Variants in PKHD1 observed in about 807,000 individuals in gnomAD.
PKHD1 encodes the protein fibrocystin.
In PKHD1, 291 loss-of-function variants were observed where a neutral mutation model predicts 412.0. The observed-to-expected ratio is 0.71, with a 90% CI of 0.64 to 0.78. PKHD1 has a LOEUF of 0.78. Among genes scored for constraint, PKHD1 ranks in the 30% least tolerant of loss-of-function variants. The pLI is 0.00. For missense variants in PKHD1, 4,825 were observed against 4,950.7 expected, an observed-to-expected ratio of 0.97 and a Z score of 0.76; for synonymous variants, 1,777 against 1,821.5, an observed-to-expected ratio of 0.98 and a Z score of 0.62.
Position 51,659,532 on chromosome 6 carries a change from C to G in PKHD1, c.10594G>C (p.Gly3532Arg). The G allele has an allele frequency of 6.2e-7, 1 of 1,613,602 alleles. No homozygotes were observed. Among genetic ancestry groups the G allele is most frequent in the South Asian group, 1.1e-5 (1 of 91,074 alleles). ...SASLLLNESIGANYFNIMDNL... is the reference protein window; with the variant it reads ...SASLLLNESIRANYFNIMDNL... ...TCCATGATGTTGAAATAGTTGGCAC[C>G]AATAGATTCATTCAGCAATAAGGAA... Residue 3532 changes from glycine to arginine, a missense_variant, in exon 61 of 67, where the codon GGT becomes CGT. By Grantham distance (125) the Gly-to-Arg change is moderately radical (BLOSUM62 -2). Transcript: ENST00000371117.
chr6:51,809,246 G>C (rs1764312862), intron 52 of PKHD1, among the ~76,000 whole-genome samples: 1 of 151,964 alleles, frequency 6.6e-6, no homozygotes, highest in South Asian at 2.1e-4. Context: ...GGCATGACTT[G>C]GGAACACAAC....
chr6:51,816,972 A>T (rs937054766), intron 52 of PKHD1, among the ~76,000 whole-genome samples: 1 of 152,224 alleles, frequency 6.6e-6, no homozygotes, highest in Non-Finnish European at 1.5e-5. Flanking sequence ...TTATGAACCA[A>T]GCTCTTGACC....
intron 60 of PKHD1, chr6:51,739,994 G>C (rs773854703): frequency 2.7e-5 from 14 of 518,798 alleles, no homozygotes; most frequent in South Asian, 2.0e-4. Context: ...ACCTGAATGG[G>C]ACATTAATTT....
intron 23 of PKHD1, among the ~76,000 whole-genome samples, chr6:52,046,410 C>T (rs1805849709): frequency 6.6e-6 from 1 of 152,162 alleles, no homozygotes; most frequent in Admixed American, 6.6e-5. Flanking sequence ...CACTATCTTT[C>T]ACTCATACCA....
chr6:51,633,828 T>C (rs1768218252), intron 64 of PKHD1, among the ~76,000 whole-genome samples: 1 of 152,210 alleles, frequency 6.6e-6, no homozygotes, highest in South Asian at 2.1e-4. Context: ...CATGGATCTA[T>C]ACATGTATTT....
At chr6:51,632,774 T>C (rs1387379510) in intron 64 of PKHD1, 51 bp from the exon 65 acceptor site, 3 of 1,451,576 alleles carry the variant, frequency 2.1e-6, no homozygotes, top group African/African-American at 1.4e-5. Context: ...AAGATGCTAA[T>C]ATAATTAAAA....
intron 13 of PKHD1, among the ~76,000 whole-genome samples, chr6:52,064,555 C>T (rs1224515045): frequency 5.9e-5 from 9 of 152,124 alleles, no homozygotes; most frequent in Non-Finnish European, 1.3e-4. Context: ...TTGTCTAATG[C>T]TGTTGTTTTG....
chr6:51,679,029 AAATG>A (rs532747927), intron 60 of PKHD1, among the ~76,000 whole-genome samples: 1 of 152,060 alleles, frequency 6.6e-6, no homozygotes, highest in Non-Finnish European at 1.5e-5. Context: ...GCCAAAACTA[AAATG>A]AATGTGACTG....
At chr6:51,798,708 A>C (rs1794967595) in intron 52 of PKHD1, among the ~76,000 whole-genome samples, 1 of 152,160 alleles carries the variant, frequency 6.6e-6, no homozygotes. Flanking sequence ...ACGATATCCT[A>C]AAATATGTTT....
At chr6:51,932,608 T>C (rs1186255142) in intron 37 of PKHD1, among the ~76,000 whole-genome samples, 1 of 152,196 alleles carries the variant, frequency 6.6e-6, no homozygotes, top group African/African-American at 2.4e-5. Flanking sequence ...ATGGCTGACG[T>C]GGGAATAGAT....
intron 35 of PKHD1, among the ~76,000 whole-genome samples, chr6:51,984,693 GC>G (rs1170010170): frequency 2.6e-5 from 4 of 152,196 alleles, no homozygotes; most frequent in Non-Finnish European, 5.9e-5. Flanking sequence ...AGTATCCTTT[GC>G]CTGAGGCATT....
At chr6:52,067,540 G>A (rs1287565033) in intron 11 of PKHD1, among the ~76,000 whole-genome samples, 1 of 152,206 alleles carries the variant, frequency 6.6e-6, no homozygotes, top group Non-Finnish European at 1.5e-5. Context: ...AATACCTTGG[G>A]TCGGAGAAAT....
intron 43 of PKHD1, among the ~76,000 whole-genome samples, chr6:51,901,105 T>G (rs1221640006): frequency 6.6e-6 from 1 of 152,194 alleles, no homozygotes; most frequent in Non-Finnish European, 1.5e-5. Flanking sequence ...TGGAAATCAG[T>G]GTGGTGATTC....
In PKHD1 at chr6:51,999,447, C is replaced by T. The variant is rs78936673; in HGVS notation, c.5751+10862G>A. Among the ~76,000 whole-genome samples, 22 of 152,186 alleles carry T rather than the reference C, an allele frequency of 1.4e-4. No homozygotes were observed. In the East Asian group the frequency reaches 3.5e-3, roughly 24 times the overall value. On this transcript the variant is annotated intron_variant, in intron 35 of 66. Coordinates refer to ENST00000371117, the MANE Select transcript of PKHD1 (RefSeq NM_138694.4). Reference sequence around the variant, plus strand: ...TATCTGAATAACCCATTCATCTTTACCCAAATTTCTTCACCTTCCAGGCTC... The same window carrying T: ...TATCTGAATAACCCATTCATCTTTATCCAAATTTCTTCACCTTCCAGGCTC...
At chr6:51,967,438 A>G (rs968007976) in intron 35 of PKHD1, among the ~76,000 whole-genome samples, 1 of 152,166 alleles carries the variant, frequency 6.6e-6, no homozygotes, top group African/African-American at 2.4e-5. Flanking sequence ...GTATTAAAAC[A>G]TGCGCAAAAT....
intron 63 of PKHD1, among the ~76,000 whole-genome samples, chr6:51,639,893 C>T (rs1188203842): frequency 6.6e-6 from 1 of 152,172 alleles, no homozygotes; most frequent in African/African-American, 2.4e-5. Context: ...TTTTTCAATT[C>T]AATTGCTTAA....
chr6:51,831,277 G>T (rs1364231739), intron 51 of PKHD1, among the ~76,000 whole-genome samples: 1 of 152,032 alleles, frequency 6.6e-6, no homozygotes, highest in African/African-American at 2.4e-5. Flanking sequence ...AATAAGAAAG[G>T]TAATAATTGC....
At chr6:51,630,924 G>C (rs754220711) in intron 65 of PKHD1, among the ~76,000 whole-genome samples, 1 of 152,052 alleles carries the variant, frequency 6.6e-6, no homozygotes, top group African/African-American at 2.4e-5. Flanking sequence ...ATCATACAAG[G>C]TAATGTGTCC....
chr6:51,770,885 T>A (rs1789980779), intron 55 of PKHD1, among the ~76,000 whole-genome samples: 1 of 152,074 alleles, frequency 6.6e-6, no homozygotes, highest in Non-Finnish European at 1.5e-5. Context: ...GTGAAGGTAT[T>A]TTGTCAATGT....
Sources: gnomAD v4.1 joint callset for allele counts (sites outside exome capture counted in the v4.1 genomes callset) on GRCh38, gnomAD v4.1.1 for gene constraint, MANE v1.5 for transcripts, NCBI Gene and HGNC (gene_info 2026-07-23, HGNC 2026-07-21) for gene names.